The following SEH1L variants were observed in gnomAD, a reference collection of about 807,000 sequenced individuals.
SEH1L encodes the protein SEH1 like nucleoporin, also known as nucleoporin SEH1.
In SEH1L, 18 loss-of-function variants were observed where a neutral mutation model predicts 49.5. That is an observed-to-expected ratio of 0.36 (90% confidence interval 0.25 to 0.54). SEH1L has a LOEUF of 0.54. Ranked by LOEUF, SEH1L falls within the 20% of genes least tolerant of loss-of-function variation. The pLI is 0.87. For synonymous variants in SEH1L, 169 were observed against 178.1 expected (o/e 0.95, Z 0.41); for missense variants, 404 against 528.8 (o/e 0.76, Z 2.31).
rs762875648 is a variant in SEH1L at position 12,986,945 on chromosome 18, C to T, written c.1154C>T (p.Pro385Leu). The T allele has an allele frequency of 6.2e-6, 10 of 1,613,580 alleles. No individual in the cohort carries two copies. Among genetic ancestry groups the T allele is most frequent in the African/African-American group, 1.3e-5 (1 of 74,892 alleles). ...YAQLLPPPPP[P>L]LVEHSCDADT... ...CAGCTCCTTCCTCCTCCTCCTCCTC[C>T]TCTGGTAGAGCACTCTTGCGATGCT... The change falls in exon 9 of 9, where the codon CCT becomes CTT. Residue 385 changes from proline to leucine, a missense_variant. Pro to Leu is a moderately conservative substitution (Grantham distance 98, BLOSUM62 -3). Transcript: ENST00000399892.
In SEH1L at chr18:12,963,317, A is replaced by T. The variant is rs2031282237; in HGVS notation, c.467A>T (p.Gln156Leu). 1 of 1,614,210 alleles carries T rather than the reference A, an allele frequency of 6.2e-7. No individual in the cohort carries two copies. Among genetic ancestry groups the T allele is most frequent in the African/African-American group, 1.3e-5 (1 of 75,066 alleles). ...DVMNLSQWSL[Q>L]HEISCKLSCS... Reference sequence around the variant, plus strand: ...ATGAATCTCAGCCAGTGGTCTTTGCAGCATGAGATCTCATGTAAGCTAAGC... The same window carrying T: ...ATGAATCTCAGCCAGTGGTCTTTGCTGCATGAGATCTCATGTAAGCTAAGC... Residue 156 changes from glutamine to leucine, a missense_variant, in exon 4 of 9, where the codon CAG becomes CTG. By Grantham distance (113) the Gln-to-Leu change is moderately radical (BLOSUM62 -2). Around this residue, in one of 3 missense-constraint regions of SEH1L, gnomAD observed 342 missense variants for 430.8 expected, o/e 0.79. Coordinates refer to ENST00000399892, the MANE Select transcript of SEH1L (RefSeq NM_001013437.2).
In SEH1L at chr18:12,963,285, A is replaced by G. The variant is rs2145626351; in HGVS notation, c.435A>G (p.Pro145=). Residue 145 remains proline (P), a synonymous_variant, in exon 4 of 9, where the codon CCA becomes CCG. Transcript: ENST00000399892. ...GTATAGTAAGAATCTATGAGGCACC[A>G]GATGTTATGAATCTCAGCCAGTGGT... The part of the protein sequence containing the change: ...ADGIVRIYEA[P]DVMNLSQWSL... The G allele has an allele frequency of 6.2e-7, 1 of 1,614,194 alleles. No individual in the cohort carries two copies. The highest frequency in any genetic ancestry group is 8.5e-7 in the Non-Finnish European group (1 of 1,180,010).
intron 3 of SEH1L, among the ~76,000 whole-genome samples, chr18:12,957,749 C>A (rs28547349): frequency 0.24 from 36,842 of 152,104 alleles, 4,915 homozygotes; most frequent in East Asian, 0.41. Context: ...CTCACCTGCC[C>A]TCCCTAATGG....
At chr18:12,949,484 G>A (rs573966780) in intron 1 of SEH1L, among the ~76,000 whole-genome samples, 3 of 90,866 alleles carry the variant, frequency 3.3e-5, no homozygotes, top group Non-Finnish European at 5.9e-5. Flanking sequence ...ACGGAGTCTT[G>A]CTCTGTCACC....
At chr18:12,975,996 C>T (rs143047266) in intron 5 of SEH1L, 147 of 452,974 alleles carry the variant, frequency 3.2e-4, no homozygotes, top group African/African-American at 3.0e-3. Context: ...GTTTGAGGTG[C>T]GTTTGGAACA....
chr18:12,963,857 C>T (rs886083256), intron 4 of SEH1L, among the ~76,000 whole-genome samples: 1 of 152,206 alleles, frequency 6.6e-6, no homozygotes, highest in Non-Finnish European at 1.5e-5. Flanking sequence ...GAATTACAGG[C>T]ATGCGCCACC....
intron 1 of SEH1L, among the ~76,000 whole-genome samples, chr18:12,950,331 C>T (rs1210966488): frequency 1.3e-5 from 2 of 152,152 alleles, no homozygotes; most frequent in African/African-American, 4.8e-5. Flanking sequence ...TCACCTTGCC[C>T]AGCCCTCTTA....
chr18:12,977,154 C>A (rs751444271), intron 5 of SEH1L: 6 of 152,066 alleles, frequency 3.9e-5, no homozygotes, highest in Non-Finnish European at 5.9e-5. Flanking sequence ...GAGGTGTGTA[C>A]CAGCTTGGTA....
chr18:12,985,269 G>A (rs1165949659), intron 8 of SEH1L: 3 of 1,608,134 alleles, frequency 1.9e-6, no homozygotes, highest in Non-Finnish European at 2.5e-6. Context: ...GCTAACTGGA[G>A]TAACTTTGCT....
At chr18:12,985,729 G>A (rs1598986490) in intron 8 of SEH1L, 3 of 951,316 alleles carry the variant, frequency 3.2e-6, no homozygotes, top group African/African-American at 1.8e-5. Context: ...ATTGTTTTGA[G>A]TGCTGATTTG....
chr18:12,966,406 A>G (rs1210512806), intron 4 of SEH1L, among the ~76,000 whole-genome samples: 1 of 144,850 alleles, frequency 6.9e-6, no homozygotes, highest in Non-Finnish European at 1.5e-5. Context: ...TTTATTATTT[A>G]TTATTTTTTA....
At chr18:12,979,724 G>A (rs1478138852) in intron 6 of SEH1L, among the ~76,000 whole-genome samples, 7 of 144,598 alleles carry the variant, frequency 4.8e-5, no homozygotes, top group Admixed American at 1.4e-4. Flanking sequence ...CCTCCCGGAC[G>A]GGGCGGCTGG....
chr18:12,964,459 T>C (rs545437844), intron 4 of SEH1L: 1 of 152,288 alleles, frequency 6.6e-6, no homozygotes, highest in South Asian at 2.1e-4. Context: ...ATAGAAAAGA[T>C]GAATAGAGCA....
In SEH1L at chr18:12,960,562, TCTC is replaced by T. The variant is rs541897463; in HGVS notation, c.310-2597_310-2595del. 1.5e-4 allele frequency among the ~76,000 whole-genome samples: 23 copies of T among 152,334 alleles called. No homozygotes were observed. In the East Asian group the frequency reaches 4.4e-3, roughly 29 times the overall value. Reference sequence around the variant, plus strand: ...GCTATTCAGACTGTTTTACAGCTCTTCTCAGGGGAGGAGTATGTCTGATTGCCT... The same window carrying T: ...GCTATTCAGACTGTTTTACAGCTCTTAGGGGAGGAGTATGTCTGATTGCCT... On this transcript the variant is annotated intron_variant, in intron 3 of 8. Transcript: ENST00000399892.
At position 12,948,105 on chromosome 18, in the gene SEH1L, C is replaced by A; in HGVS notation, c.-17C>A. 1 of 1,598,416 alleles carries A rather than the reference C, an allele frequency of 6.3e-7. No homozygotes were observed. The highest frequency in any genetic ancestry group is 1.1e-5 in the South Asian group (1 of 90,454). ...GCCGCCACTGTCCTCTTCGGAGGCG[C>A]GGGCCCGACGGAAACCATGTTTGTG... On this transcript the variant is annotated 5_prime_UTR_variant, in exon 1 of 9. Coordinates refer to ENST00000399892, the MANE Select transcript of SEH1L (RefSeq NM_001013437.2).
chr18:12,975,220 G>C (rs570874252), intron 5 of SEH1L, among the ~76,000 whole-genome samples: 16 of 152,066 alleles, frequency 1.1e-4, no homozygotes, highest in African/African-American at 3.6e-4. Context: ...TCGAACTGTC[G>C]ACCTCAGGTG....
chr18:12,971,170 C>T lies in SEH1L; in HGVS notation c.539C>T (p.Pro180Leu). The change falls in exon 5 of 9, where the codon CCC becomes CTC. Residue 180 changes from proline to leucine, a missense_variant. By Grantham distance (98) the Pro-to-Leu change is moderately conservative. This residue lies in a region of SEH1L where 342 missense variants were observed against 430.8 expected (regional missense o/e 0.79). Coordinates refer to ENST00000399892, the MANE Select transcript of SEH1L (RefSeq NM_001013437.2). ...GTTTCTAGCTCTCGTGCTCATTCCCCCATGATCGCCGTAGGAAGTGATGAC... is the reference window on the plus strand; with the variant it reads ...GTTTCTAGCTCTCGTGCTCATTCCCTCATGATCGCCGTAGGAAGTGATGAC... ...WNPSSSRAHS[P>L]MIAVGSDDSS... 6.2e-7 allele frequency: 1 copy of T among 1,613,314 alleles called. No individual in the cohort carries two copies. The highest frequency in any genetic ancestry group is 8.5e-7 in the Non-Finnish European group (1 of 1,179,330).
chr18:12,961,017 G>A (rs185725153), intron 3 of SEH1L, among the ~76,000 whole-genome samples: 1 of 152,314 alleles, frequency 6.6e-6, no homozygotes, highest in Non-Finnish European at 1.5e-5. Context: ...TGCATGGTTT[G>A]ATCTTGGACT....
chr18:12,958,785 A>G (rs899577653), intron 3 of SEH1L, among the ~76,000 whole-genome samples: 1 of 152,160 alleles, frequency 6.6e-6, no homozygotes, highest in Non-Finnish European at 1.5e-5. Context: ...CTTCGTGGCT[A>G]TTGTGAATAC....
Sources: gnomAD v4.1 joint callset for allele counts (sites outside exome capture counted in the v4.1 genomes callset) on GRCh38, gnomAD v4.1.1 for gene constraint, gnomAD v4.1.1 regional missense constraint, MANE v1.5 for transcripts, NCBI Gene and HGNC (gene_info 2026-07-23, HGNC 2026-07-21) for gene names.